FRMD4A: variants seen among roughly 807,000 people sequenced by gnomAD.
FRMD4A encodes FERM domain containing 4A.
A neutral mutation model predicts 129.1 loss-of-function variants in FRMD4A; 29 were observed. That is an observed-to-expected ratio of 0.22 (90% CI 0.17 to 0.31). FRMD4A has a LOEUF of 0.31. Among genes scored for constraint, FRMD4A ranks in the 10% least tolerant of loss-of-function variants. FRMD4A has a pLI of 1.00. For synonymous variants in FRMD4A, 634 were observed against 571.6 expected (o/e 1.11, Z -1.56); for missense variants, 1,272 against 1,375.8 (o/e 0.92, Z 1.19).
intron 2 of FRMD4A, among the ~76,000 whole-genome samples, chr10:13,971,130 G>A (rs559823360): frequency 7.3e-5 from 11 of 151,594 alleles, no homozygotes; most frequent in African/African-American, 1.5e-4. Flanking sequence ...ACACACGCAC[G>A]CACGCGCTCA....
At chr10:13,875,062 A>G (rs944097085) in intron 2 of FRMD4A, among the ~76,000 whole-genome samples, 2 of 152,210 alleles carry the variant, frequency 1.3e-5, no homozygotes, top group Admixed American at 1.3e-4. Context: ...ACACAGCAAC[A>G]TGAGGTAAGA....
intron 2 of FRMD4A, among the ~76,000 whole-genome samples, chr10:14,103,974 C>T (rs550483064): frequency 6.6e-6 from 1 of 152,328 alleles, no homozygotes; most frequent in South Asian, 2.1e-4. Context: ...AGTCAACCAA[C>T]TACAGACAAG....
At position 13,657,091 on chromosome 10, in the gene FRMD4A, C is replaced by A; in HGVS notation, c.2498G>T (p.Arg833Leu). ...GATGTACAGCGGGTACTCCTTGATG[C>A]GGTACTGCGAGCTGGGCTGGCTCTG... ...HSQSQPSSQY[R>L]IKEYPLYIEG... Residue 833 changes from arginine (R) to leucine (L), a missense_variant, in exon 22 of 25, where the codon CGC becomes CTC. Transcript: ENST00000357447. 1.3e-6 allele frequency: 2 copies of A among 1,573,182 alleles called. No individual in the cohort carries two copies. Among genetic ancestry groups the A allele is most frequent in the Non-Finnish European group, 8.6e-7 (1 of 1,165,924 alleles).
At chr10:14,051,517 G>A (rs1037127183) in intron 2 of FRMD4A, among the ~76,000 whole-genome samples, 2 of 152,172 alleles carry the variant, frequency 1.3e-5, no homozygotes, top group Admixed American at 6.6e-5. Context: ...ACTCTGTCCC[G>A]TTGGTGCCCA....
intron 5 of FRMD4A, among the ~76,000 whole-genome samples, chr10:13,794,255 G>A (rs1439903180): frequency 6.6e-6 from 1 of 152,032 alleles, no homozygotes; most frequent in African/African-American, 2.4e-5. Context: ...AGCTGGGTAT[G>A]GTGGTGGGTG....
intron 2 of FRMD4A, among the ~76,000 whole-genome samples, chr10:14,265,895 C>T (rs1844960367): frequency 6.6e-6 from 1 of 152,144 alleles, no homozygotes; most frequent in Non-Finnish European, 1.5e-5. Flanking sequence ...TCATCACACC[C>T]TCTTTGTGTT....
intron 2 of FRMD4A, among the ~76,000 whole-genome samples, chr10:14,024,824 T>C (rs2131651147): frequency 6.6e-6 from 1 of 152,338 alleles, no homozygotes; most frequent in South Asian, 2.1e-4. Flanking sequence ...TGGAATAGAC[T>C]GTCTGACTCT....
chr10:14,125,064 G>A (rs1279951244), intron 2 of FRMD4A, among the ~76,000 whole-genome samples: 1 of 152,146 alleles, frequency 6.6e-6, no homozygotes, highest in Non-Finnish European at 1.5e-5. Flanking sequence ...TGAGGTCGAC[G>A]AAAGTAAAGT....
Position 13,785,782 on chromosome 10 carries a change from C to G in FRMD4A, c.300-2776G>C, listed in dbSNP as rs187529260. Among the ~76,000 whole-genome samples the G allele has an allele frequency of 9.1e-3, 1,380 of 151,900 alleles. 24 individuals carry two copies. The highest frequency in any genetic ancestry group is 0.032 in the African/African-American group (1,305 of 41,354). Reference sequence around the variant, plus strand: ...GCTATCCCTCCCCCTACCCCCCACCCCACGACAGGCCCCAGTATGTGATGT... The same window carrying G: ...GCTATCCCTCCCCCTACCCCCCACCGCACGACAGGCCCCAGTATGTGATGT... On this transcript the variant is annotated intron_variant, in intron 5 of 24. Transcript: ENST00000357447.
At chr10:14,035,704 ATTTTTATCTCTAGTTTTTAATCTCCAG>A (rs937751344) in intron 2 of FRMD4A, among the ~76,000 whole-genome samples, 12 of 152,240 alleles carry the variant, frequency 7.9e-5, no homozygotes, top group African/African-American at 2.2e-4. Context: ...ATCCAGCTGT[ATTTTTATCTCTAGTTTTTAATCTCCAG>A]TTTTTATCTC....
At position 13,670,471 on chromosome 10, in the gene FRMD4A, T is replaced by A. The variant is rs1057172026; in HGVS notation, c.1309A>T (p.Ile437Phe). The change falls in exon 17 of 25, where the codon ATT becomes TTT. Residue 437 changes from isoleucine to phenylalanine, a missense_variant. By Grantham distance (21) the Ile-to-Phe change is conservative. Coordinates refer to ENST00000357447, the MANE Select transcript of FRMD4A (RefSeq NM_018027.5). Reference protein sequence around the residue: ...YPLDPGEEPPIVRRRIGTAFK... With the variant: ...YPLDPGEEPPFVRRRIGTAFK... ...GCTGTTCCTATTCTTCTCCGAACAA[T>A]GGGTGGTTCCTCCCCTGGATCCAGG... The A allele has an allele frequency of 6.2e-7, 1 of 1,613,070 alleles. No homozygotes were observed. Among genetic ancestry groups the A allele is most frequent in the African/African-American group, 1.3e-5 (1 of 74,850 alleles).
At chr10:13,912,266 C>T (rs2094948706) in intron 2 of FRMD4A, among the ~76,000 whole-genome samples, 1 of 152,128 alleles carries the variant, frequency 6.6e-6, no homozygotes, top group African/African-American at 2.4e-5. Context: ...GGCCCTTGTG[C>T]ACTGCTGGTG....
At chr10:14,057,722 C>T (rs569753547) in intron 2 of FRMD4A, among the ~76,000 whole-genome samples, 75 of 152,300 alleles carry the variant, frequency 4.9e-4, no homozygotes, top group African/African-American at 1.8e-3. Context: ...AGGCAGGGGC[C>T]ACCCTGCCCG....
At chr10:13,862,743 C>T (rs1168035594) in intron 2 of FRMD4A, among the ~76,000 whole-genome samples, 1 of 152,200 alleles carries the variant, frequency 6.6e-6, no homozygotes, top group African/African-American at 2.4e-5. Context: ...GGAGCACCTG[C>T]CTGTTGTTCC....
intron 14 of FRMD4A, among the ~76,000 whole-genome samples, chr10:13,696,654 G>C (rs1366414412): frequency 6.6e-6 from 1 of 152,202 alleles, no homozygotes; most frequent in Non-Finnish European, 1.5e-5. Context: ...TGAGGCAGGA[G>C]AATTGCTTGA....
At chr10:14,127,538 T>G (rs998083069) in intron 2 of FRMD4A, among the ~76,000 whole-genome samples, 3 of 152,112 alleles carry the variant, frequency 2.0e-5, no homozygotes, top group Non-Finnish European at 4.4e-5. Context: ...ACGGCCCAGA[T>G]TCACTTCCTG....
At chr10:14,161,306 T>C (rs1840875495) in intron 2 of FRMD4A, among the ~76,000 whole-genome samples, 1 of 152,146 alleles carries the variant, frequency 6.6e-6, no homozygotes, top group Non-Finnish European at 1.5e-5. Context: ...AATCCAACAA[T>C]TCCACTATCG....
chr10:14,040,522 A>C (rs974027539), intron 2 of FRMD4A, among the ~76,000 whole-genome samples: 1 of 152,192 alleles, frequency 6.6e-6, no homozygotes, highest in Non-Finnish European at 1.5e-5. Context: ...CAATTCTTTA[A>C]CTCTGGGAGG....
intron 3 of FRMD4A, among the ~76,000 whole-genome samples, chr10:13,822,561 T>C (rs1227929788): frequency 6.6e-6 from 1 of 152,188 alleles, no homozygotes; most frequent in East Asian, 1.9e-4. Flanking sequence ...ATGCAGTTGT[T>C]CTACCACGAG....
Sources: allele counts gnomAD v4.1 joint callset (sites outside exome capture counted in the v4.1 genomes callset), GRCh38; gene constraint gnomAD v4.1.1; transcripts MANE v1.5; gene names NCBI Gene and HGNC (gene_info 2026-07-23, HGNC 2026-07-21).